Variants in PTPRT observed in about 807,000 individuals in gnomAD.
The protein encoded by PTPRT is receptor-type tyrosine-protein phosphatase T.
PTPRT carries 56 observed loss-of-function variants against 176.8 expected under a neutral mutation model. That is an observed-to-expected ratio of 0.32 (90% CI 0.26 to 0.40). PTPRT has a LOEUF of 0.40. Ranked by LOEUF, PTPRT falls within the 10% of genes least tolerant of loss-of-function variation. The pLI, the probability that PTPRT is intolerant of heterozygous loss-of-function variation, is 1.00. For missense variants in PTPRT, 1,540 were observed against 1,908.2 expected (o/e 0.81, Z 3.60); for synonymous variants, 783 against 739.0 (o/e 1.06, Z -0.96).
chr20:42,885,585 G>A (rs1213560676), intron 2 of PTPRT, among the ~76,000 whole-genome samples: 4 of 152,146 alleles, frequency 2.6e-5, no homozygotes, highest in East Asian at 3.9e-4. Flanking sequence ...GAATCTCGAC[G>A]CTAAAAGAAA....
rs147573047 is a variant in PTPRT at position 42,652,001 on chromosome 20, T to C, written c.1153+25865A>G. Among the ~76,000 whole-genome samples, 1,199 of 151,546 alleles carry C rather than the reference T, an allele frequency of 7.9e-3. 9 individuals carry two copies. The highest frequency in any genetic ancestry group is 0.012 in the Non-Finnish European group (832 of 67,938). On this transcript the variant is annotated intron_variant, in intron 7 of 30. Coordinates refer to ENST00000373187, the MANE Select transcript of PTPRT (RefSeq NM_007050.6). ...AGGTGGAGGTTGCAGTGAGCCGAGATGGTGCCACTGCACTCCAGCCTGGGC... is the reference window on the plus strand; with the variant it reads ...AGGTGGAGGTTGCAGTGAGCCGAGACGGTGCCACTGCACTCCAGCCTGGGC...
chr20:42,517,442 T>G (rs751350198), intron 7 of PTPRT, among the ~76,000 whole-genome samples: 26 of 152,024 alleles, frequency 1.7e-4, no homozygotes, highest in Non-Finnish European at 3.2e-4. Flanking sequence ...TTTTAGCTTT[T>G]ATTATGGAAT....
intron 6 of PTPRT, among the ~76,000 whole-genome samples, chr20:42,706,175 CTGTTTGTG>C (rs1487961324): frequency 2.7e-5 from 3 of 109,280 alleles, no homozygotes; most frequent in African/African-American, 2.0e-4. Flanking sequence ...CTCTCTCTCT[CTGTTTGTG>C]TGTGTGTGTG....
At chr20:42,376,971 A>G (rs2058656562) in intron 9 of PTPRT, among the ~76,000 whole-genome samples, 2 of 152,192 alleles carry the variant, frequency 1.3e-5, no homozygotes, top group African/African-American at 4.8e-5. Flanking sequence ...CTTTTAAAGA[A>G]AGCACACACG....
the PTPRT span, among the ~76,000 whole-genome samples, chr20:42,033,648 C>T: frequency 1.3e-5 from 2 of 152,082 alleles, no homozygotes; most frequent in African/African-American, 4.8e-5. Flanking sequence ...GTCTGGTGCT[C>T]AAAAGTATCT....
intron 27 of PTPRT, among the ~76,000 whole-genome samples, chr20:42,092,465 A>G (rs1234281535): frequency 3.3e-5 from 5 of 152,230 alleles, no homozygotes; most frequent in African/African-American, 1.2e-4. Flanking sequence ...ACAAATGATA[A>G]CATTAAGACT....
intron 12 of PTPRT, among the ~76,000 whole-genome samples, chr20:42,288,672 C>T (rs2057271072): frequency 6.6e-6 from 1 of 151,940 alleles, no homozygotes. Context: ...CAGGTACATC[C>T]ATGTTGCTGC....
intron 1 of PTPRT, among the ~76,000 whole-genome samples, chr20:42,892,465 A>C (rs1362942780): frequency 6.6e-6 from 1 of 152,072 alleles, no homozygotes; most frequent in Admixed American, 6.5e-5. Flanking sequence ...ATGTTCTTTT[A>C]ATATCCAGCA....
chr20:42,292,380 T>C (rs2057330630), intron 12 of PTPRT, among the ~76,000 whole-genome samples: 1 of 152,094 alleles, frequency 6.6e-6, no homozygotes, highest in Non-Finnish European at 1.5e-5. Context: ...TTGCCCAGGC[T>C]GGAGTGCAAT....
intron 7 of PTPRT, among the ~76,000 whole-genome samples, chr20:42,526,818 C>A (rs928155638): frequency 7.2e-5 from 11 of 151,988 alleles, no homozygotes; most frequent in Non-Finnish European, 1.2e-4. Context: ...GAAATTCTCT[C>A]CAGTTTATAG....
chr20:43,062,897 C>T (rs921548776), intron 1 of PTPRT, among the ~76,000 whole-genome samples: 4 of 152,160 alleles, frequency 2.6e-5, no homozygotes, highest in African/African-American at 9.7e-5. Context: ...GAGTGTCTTT[C>T]TCAAGGGATA....
intron 18 of PTPRT, among the ~76,000 whole-genome samples, chr20:42,137,911 G>A (rs962893015): frequency 6.6e-6 from 1 of 152,218 alleles, no homozygotes; most frequent in Non-Finnish European, 1.5e-5. Context: ...TTCCTAGATT[G>A]GGAGAAGATA....
chr20:42,108,057 G>T (rs1986637429), intron 23 of PTPRT, among the ~76,000 whole-genome samples: 1 of 152,024 alleles, frequency 6.6e-6, no homozygotes, highest in Non-Finnish European at 1.5e-5. Flanking sequence ...GGTCACTCGT[G>T]TTTTTTTCTT....
chr20:43,169,688 C>A (rs1423901241), intron 1 of PTPRT, among the ~76,000 whole-genome samples: 1 of 152,234 alleles, frequency 6.6e-6, no homozygotes, highest in Non-Finnish European at 1.5e-5. Context: ...TCTAAAGAAC[C>A]ACTACCGTAA....
intron 11 of PTPRT, among the ~76,000 whole-genome samples, chr20:42,344,676 T>C (rs752132349): frequency 1.3e-5 from 2 of 152,158 alleles, no homozygotes; most frequent in Non-Finnish European, 2.9e-5. Flanking sequence ...GAGAACAGCA[T>C]GGACTAGGGG....
intron 5 of PTPRT, among the ~76,000 whole-genome samples, chr20:42,757,546 C>G (rs78166616): frequency 6.6e-6 from 1 of 152,334 alleles, no homozygotes; most frequent in East Asian, 1.9e-4. Context: ...AAGCCACGTT[C>G]AGCTCACAGC....
At chr20:42,231,916 C>A (rs952948867) in intron 15 of PTPRT, among the ~76,000 whole-genome samples, 2 of 152,172 alleles carry the variant, frequency 1.3e-5, no homozygotes, top group African/African-American at 4.8e-5. Context: ...ACTTGATGGC[C>A]TCTTTATTTT....
At chr20:42,568,192 C>T (rs1251556742) in intron 7 of PTPRT, among the ~76,000 whole-genome samples, 1 of 152,130 alleles carries the variant, frequency 6.6e-6, no homozygotes, top group African/African-American at 2.4e-5. Flanking sequence ...TGGTTTTGAA[C>T]TCCTGACCTT....
chr20:42,285,932 T>C (rs947918557), intron 12 of PTPRT, among the ~76,000 whole-genome samples: 16 of 151,912 alleles, frequency 1.1e-4, no homozygotes, highest in Admixed American at 3.9e-4. Context: ...ACTGTTTCTA[T>C]ACATGAACAA....
Sources: allele counts gnomAD v4.1 joint callset (sites outside exome capture counted in the v4.1 genomes callset), GRCh38; gene constraint gnomAD v4.1.1; transcripts MANE v1.5; gene names NCBI Gene and HGNC (gene_info 2026-07-23, HGNC 2026-07-21).